The following KIRREL3 variants were observed in gnomAD, a reference collection of about 807,000 sequenced individuals.
KIRREL3 encodes kin of IRRE-like protein 3.
Under a neutral mutation model 89.7 loss-of-function variants are expected in KIRREL3, and 36 were observed. The ratio of observed to expected loss-of-function variants is 0.40; its 90% CI spans 0.31 to 0.53. The LOEUF is 0.53. KIRREL3 is among the 20% of genes least tolerant of loss of function. KIRREL3 has a pLI of 0.49. For synonymous variants in KIRREL3, 445 were observed against 441.4 expected (o/e 1.01, Z -0.10); for missense variants, 864 against 1,056.6 (o/e 0.82, Z 2.53).
intron 1 of KIRREL3, among the ~76,000 whole-genome samples, chr11:126,941,519 G>T (rs935505664): frequency 6.6e-6 from 1 of 152,206 alleles, no homozygotes; most frequent in African/African-American, 2.4e-5. Context: ...CAGGCAGCCA[G>T]CCTCGCATGG....
In KIRREL3 at chr11:126,492,129, T is replaced by A. The variant is rs1212274403; in HGVS notation, c.434-18663A>T. 2.0e-5 allele frequency among the ~76,000 whole-genome samples: 3 copies of A among 152,172 alleles called. No individual in the cohort carries two copies. Among genetic ancestry groups the A allele is most frequent in the African/African-American group, 7.2e-5 (3 of 41,416 alleles). On this transcript the variant is annotated intron_variant, in intron 4 of 16. Transcript: ENST00000525144. The surrounding 1 kb of genome is among the most constrained non-coding windows in gnomAD (Gnocchi z 4.8). ...CGGGCTTATAAAATGGACAAAAGGATAAGTTGCAGAGGGCCACCGAGGAAC... is the reference window on the plus strand; with the variant it reads ...CGGGCTTATAAAATGGACAAAAGGAAAAGTTGCAGAGGGCCACCGAGGAAC...
At chr11:126,923,663 C>T (rs777165988) in intron 1 of KIRREL3, among the ~76,000 whole-genome samples, 5 of 151,950 alleles carry the variant, frequency 3.3e-5, no homozygotes, top group Non-Finnish European at 7.4e-5. Flanking sequence ...AGGCTGGCCT[C>T]GAACTCTTGA....
chr11:126,441,461 T>C lies in KIRREL3; in HGVS notation c.1253-912A>G, dbSNP rs1334692361. ...CGTGAAAGACAAAAGAAGGAGCAGC[T>C]AGCTTAGCCTGGGCTCTGCTGGCTT... is the stretch of plus-strand genomic sequence containing the variant. On this transcript the variant is annotated intron_variant, in intron 10 of 16. Transcript: ENST00000525144. This position sits in a 1 kb window ranked among gnomAD's most constrained non-coding sequence, Gnocchi z 5.0. Among the ~76,000 whole-genome samples, 1 of 152,192 alleles carries C rather than the reference T, an allele frequency of 6.6e-6. No homozygotes were observed. Among genetic ancestry groups the C allele is most frequent in the Admixed American group, 6.5e-5 (1 of 15,286 alleles).
At chr11:126,958,460 T>A (rs978486669) in intron 1 of KIRREL3, among the ~76,000 whole-genome samples, 6 of 152,200 alleles carry the variant, frequency 3.9e-5, no homozygotes, top group Admixed American at 3.3e-4. Flanking sequence ...ACATTCAAGA[T>A]CCTGAGACTG....
intron 1 of KIRREL3, among the ~76,000 whole-genome samples, chr11:126,847,903 T>G (rs1055931462): frequency 5.9e-5 from 9 of 152,190 alleles, no homozygotes; most frequent in African/African-American, 1.9e-4. Flanking sequence ...TCTATTTTCT[T>G]TTGTAACAGG....
chr11:126,433,801 T>A (rs1955220586), intron 13 of KIRREL3, among the ~76,000 whole-genome samples: 1 of 152,242 alleles, frequency 6.6e-6, no homozygotes, highest in African/African-American at 2.4e-5. Flanking sequence ...TAAGTTTCCT[T>A]GGAAAAACAC....
rs545264707 is a variant in KIRREL3, at chr11:126,576,637, C to T, written c.56-13725G>A. Among the ~76,000 whole-genome samples, 2 of 152,322 alleles carry T rather than the reference C, an allele frequency of 1.3e-5. No homozygotes were observed. Among genetic ancestry groups the T allele is most frequent in the African/African-American group, 4.8e-5 (2 of 41,568 alleles). On this transcript the variant is annotated intron_variant, in intron 1 of 16. Coordinates refer to ENST00000525144, the MANE Select transcript of KIRREL3 (RefSeq NM_032531.4). The surrounding 1 kb of genome is among the most constrained non-coding windows in gnomAD (Gnocchi z 5.4). ...CTCAGGCTGGCAGTGTGCCACCCAC[C>T]ACAGCTTGGCCTTGCATGGCTGGTG...
chr11:126,436,707 T>G, intron 12 of KIRREL3, 104 bp downstream of exon 12: 1 of 1,239,230 alleles, frequency 8.1e-7, no homozygotes, highest in South Asian at 1.3e-5. Flanking sequence ...GGCTTGTCCT[T>G]GGGCCCTGGC....
chr11:126,912,697 C>T lies in KIRREL3; in HGVS notation c.55+87758G>A, dbSNP rs1448978709. Among the ~76,000 whole-genome samples, 1 of 152,208 alleles carries T rather than the reference C, an allele frequency of 6.6e-6. No individual in the cohort carries two copies. The highest frequency in any genetic ancestry group is 1.9e-4 in the East Asian group (1 of 5,196). Reference sequence around the variant, plus strand: ...CTGCTGTTCATCATGTTTCTGGGGTCTTTGTTTCAAATGTGAGGCACAACA... The same window carrying T: ...CTGCTGTTCATCATGTTTCTGGGGTTTTTGTTTCAAATGTGAGGCACAACA... On this transcript the variant is annotated intron_variant, in intron 1 of 16. Coordinates refer to ENST00000525144, the MANE Select transcript of KIRREL3 (RefSeq NM_032531.4). This position sits in a 1 kb window ranked among gnomAD's most constrained non-coding sequence, Gnocchi z 4.7.
chr11:126,979,318 A>T (rs772567427), intron 1 of KIRREL3, among the ~76,000 whole-genome samples: 1 of 152,232 alleles, frequency 6.6e-6, no homozygotes, highest in East Asian at 1.9e-4. Context: ...TTAAAGTTGT[A>T]ATCACCTTTG....
intron 4 of KIRREL3, among the ~76,000 whole-genome samples, chr11:126,511,487 C>A (rs1418165732): frequency 6.6e-6 from 1 of 152,202 alleles, no homozygotes; most frequent in African/African-American, 2.4e-5. Context: ...CCAAAGGCAG[C>A]AATGCATCTT....
At chr11:126,741,482 G>A (rs925387822) in intron 1 of KIRREL3, among the ~76,000 whole-genome samples, 1 of 152,152 alleles carries the variant, frequency 6.6e-6, no homozygotes, top group African/African-American at 2.4e-5. Context: ...CATGTGTTGA[G>A]GGTGACAAGG....
At chr11:126,938,380 A>T (rs1398720566) in intron 1 of KIRREL3, among the ~76,000 whole-genome samples, 1 of 152,006 alleles carries the variant, frequency 6.6e-6, no homozygotes, top group Non-Finnish European at 1.5e-5. Context: ...AATTCTTACA[A>T]CTCTGCAGGC....
In KIRREL3 at chr11:126,709,247, G is replaced by A. The variant is rs542132784; in HGVS notation, c.56-146335C>T. On this transcript the variant is annotated intron_variant, in intron 1 of 16. Transcript: ENST00000525144. This position sits in a 1 kb window ranked among gnomAD's most constrained non-coding sequence, Gnocchi z 4.0. ...GTCCTCTTCCTGGCATTCAGAACTC[G>A]CCCCAAAATATGGCTGCCTTGACTA... Among the ~76,000 whole-genome samples the A allele has an allele frequency of 3.3e-5, 5 of 152,272 alleles. No homozygotes were observed. In the South Asian group the frequency reaches 8.3e-4, roughly 25 times the overall value.
In KIRREL3 at chr11:126,686,721, A is replaced by C. The variant is rs887914790; in HGVS notation, c.56-123809T>G. 4.6e-5 allele frequency among the ~76,000 whole-genome samples: 7 copies of C among 152,068 alleles called. No homozygotes were observed. The highest frequency in any genetic ancestry group is 1.7e-4 in the African/African-American group (7 of 41,410). ...CAGCCTCCCAAGTAGCTGGGATTATAAGTGTCTGCTCCCACCCCTGGCTAA... is the reference window on the plus strand; with the variant it reads ...CAGCCTCCCAAGTAGCTGGGATTATCAGTGTCTGCTCCCACCCCTGGCTAA... On this transcript the variant is annotated intron_variant, in intron 1 of 16. Coordinates refer to ENST00000525144, the MANE Select transcript of KIRREL3 (RefSeq NM_032531.4). This position sits in a 1 kb window ranked among gnomAD's most constrained non-coding sequence, Gnocchi z 4.7.
chr11:126,935,411 C>T (rs1392606644), intron 1 of KIRREL3: 1 of 152,034 alleles, frequency 6.6e-6, no homozygotes, highest in African/African-American at 2.4e-5. Context: ...TAGGTCCACA[C>T]AAAAACCTGC....
rs1356535626 is a variant in KIRREL3 at position 126,556,629 on chromosome 11, G to A, written c.133+6206C>T. Reference sequence around the variant, plus strand: ...CTCTAGCAGAATGAAACCTTGTTTTGGTGAAAAAAAGAAAAAAGGAACTTG... The same window carrying A: ...CTCTAGCAGAATGAAACCTTGTTTTAGTGAAAAAAAGAAAAAAGGAACTTG... On this transcript the variant is annotated intron_variant, in intron 2 of 16. Transcript: ENST00000525144. Among the ~76,000 whole-genome samples the A allele has an allele frequency of 2.0e-5, 3 of 152,076 alleles. No individual in the cohort carries two copies. In the East Asian group the frequency reaches 5.8e-4, roughly 29 times the overall value.
At chr11:126,613,529 A>G (rs1182979237) in intron 1 of KIRREL3, among the ~76,000 whole-genome samples, 3 of 152,082 alleles carry the variant, frequency 2.0e-5, no homozygotes, top group South Asian at 4.1e-4. Flanking sequence ...TCCCCTGCTC[A>G]TGTGTGTCAT....
At chr11:126,673,306 G>A (rs141896346) in intron 1 of KIRREL3, among the ~76,000 whole-genome samples, 4 of 152,316 alleles carry the variant, frequency 2.6e-5, no homozygotes, top group East Asian at 3.9e-4. Context: ...AACCAGTCCC[G>A]TCTGTTATCT....
Sources: gnomAD v4.1 joint callset for allele counts (sites outside exome capture counted in the v4.1 genomes callset) on GRCh38, gnomAD v4.1.1 for gene constraint, Gnocchi (gnomAD v3.1) non-coding constraint, MANE v1.5 for transcripts, NCBI Gene and HGNC (gene_info 2026-07-23, HGNC 2026-07-21) for gene names.